CCDC63: variants seen among roughly 807,000 people sequenced by gnomAD.
CCDC63 encodes coiled-coil domain containing 63.
CCDC63 carries 54 observed loss-of-function variants against 63.6 expected under a neutral mutation model. The observed-to-expected ratio is 0.85, with a 90% CI of 0.68 to 1.07. The LOEUF is 1.07. CCDC63 is among the 50% of genes least tolerant of loss of function. The pLI is 0.00. For missense variants in CCDC63, 637 were observed against 689.6 expected (o/e 0.92, Z 0.86); for synonymous variants, 253 against 266.1 (o/e 0.95, Z 0.48).
intron 3 of CCDC63, among the ~76,000 whole-genome samples, chr12:110,856,867 G>A (rs1273572397): frequency 7.8e-6 from 1 of 127,524 alleles, no homozygotes; most frequent in South Asian, 2.5e-4. Context: ...TTTTTTTTGA[G>A]ACAGGGTCTC....
chr12:110,871,182 C>T (rs1178814539), intron 4 of CCDC63, among the ~76,000 whole-genome samples: 1 of 152,158 alleles, frequency 6.6e-6, no homozygotes, highest in Non-Finnish European at 1.5e-5. Context: ...TGCTCTGTTG[C>T]CCAGGCTGGA....
In CCDC63 at chr12:110,879,934, C is replaced by T. The variant is rs1029368550; in HGVS notation, c.518C>T (p.Thr173Ile). Residue 173 changes from threonine (T) to isoleucine (I), a missense_variant, in exon 6 of 12, where the codon ACC becomes ATC. Thr to Ile is a moderately conservative substitution (Grantham distance 89). Transcript: ENST00000308208. ...LVTVHFDKML[T>I]TNAKLRKEIE... ...ACTGTTCACTTTGACAAGATGCTGA[C>T]CACTAATGCCAAGCTCCGGAAGGAG... 7.4e-6 allele frequency: 12 copies of T among 1,614,030 alleles called. No individual in the cohort carries two copies. Among genetic ancestry groups the T allele is most frequent in the South Asian group, 3.3e-5 (3 of 91,082 alleles).
upstream of CCDC63, among the ~76,000 whole-genome samples, chr12:110,846,452 A>G (rs368446946): frequency 2.5e-4 from 38 of 152,286 alleles, 1 homozygote; most frequent in South Asian, 7.5e-3. Flanking sequence ...GGTGGGGGTC[A>G]GGTGGATGTT....
chr12:110,888,768 C>CT (rs888287362), intron 8 of CCDC63, among the ~76,000 whole-genome samples: 27 of 150,940 alleles, frequency 1.8e-4, no homozygotes, highest in Admixed American at 3.3e-4. Context: ...CAACTTCCAA[C>CT]TTTTTTTTTG....
intron 6 of CCDC63, 22 bp from the exon 7 acceptor site, chr12:110,881,093 G>C: frequency 6.3e-7 from 1 of 1,590,542 alleles, no homozygotes. Flanking sequence ...AGATGCTCAG[G>C]CTCTGTACTC....
At chr12:110,883,768 T>A (rs1483834614) in intron 7 of CCDC63, among the ~76,000 whole-genome samples, 1 of 152,090 alleles carries the variant, frequency 6.6e-6, no homozygotes, top group Non-Finnish European at 1.5e-5. Context: ...GCCTCCCATG[T>A]AGCTGGGATT....
intron 9 of CCDC63, among the ~76,000 whole-genome samples, chr12:110,896,824 A>G (rs1440728477): frequency 2.0e-5 from 3 of 152,228 alleles, no homozygotes; most frequent in African/African-American, 7.2e-5. Flanking sequence ...GCTGAGATCC[A>G]ACAGGCTGGC....
At chr12:110,859,348 C>G (rs2070821836) in intron 4 of CCDC63, among the ~76,000 whole-genome samples, 1 of 151,736 alleles carries the variant, frequency 6.6e-6, no homozygotes, top group Non-Finnish European at 1.5e-5. Context: ...GCTCTCTTGC[C>G]CAGGCTGGAA....
chr12:110,901,380 T>C (rs1182979613), intron 10 of CCDC63, among the ~76,000 whole-genome samples: 1 of 152,184 alleles, frequency 6.6e-6, no homozygotes, highest in Non-Finnish European at 1.5e-5. Flanking sequence ...CTTATTATTT[T>C]ATCTATTTAT....
Position 110,904,681 on chromosome 12 carries a change from C to G in CCDC63, c.1436C>G (p.Pro479Arg). Residue 479 changes from proline to arginine, a missense_variant, in exon 11 of 12, where the codon CCC becomes CGC. Physicochemically the swap from Pro to Arg is moderately radical, Grantham distance 103. Coordinates refer to ENST00000308208, the MANE Select transcript of CCDC63 (RefSeq NM_152591.3). ...GGGGCAGAGGCTGAGATCCCGCCAC[C>G]CTTCATCAACCCTTTCTGGGGTGGC... ...VEGAEAEIPP[P>R]FINPFWGGSA... 1 of 1,614,106 alleles carries G rather than the reference C, an allele frequency of 6.2e-7. No homozygotes were observed. The highest frequency in any genetic ancestry group is 1.1e-5 in the South Asian group (1 of 91,082).
chr12:110,883,281 C>CT (rs1460803132), intron 7 of CCDC63, among the ~76,000 whole-genome samples: 2 of 152,134 alleles, frequency 1.3e-5, no homozygotes, highest in African/African-American at 4.8e-5. Context: ...CGTGATCCAC[C>CT]TGCCTTGGCC....
At chr12:110,895,179 T>C (rs1465335395) in intron 9 of CCDC63, among the ~76,000 whole-genome samples, 2 of 152,176 alleles carry the variant, frequency 1.3e-5, no homozygotes, top group African/African-American at 4.8e-5. Context: ...AGTGGCACGA[T>C]CTCGGTTCAC....
In CCDC63 at chr12:110,907,249, T is replaced by A; in HGVS notation, c.1547-82T>A. ...ATTTCCATGCTCCACTCCCCAGTGC[T>A]ATGGAGGGACGCCAAACCAGGCTTA... On this transcript the variant is annotated intron_variant, in intron 11 of 11. Coordinates refer to ENST00000308208, the MANE Select transcript of CCDC63 (RefSeq NM_152591.3). The surrounding 1 kb of genome is among the most constrained non-coding windows in gnomAD (Gnocchi z 4.4). 1 of 1,424,892 alleles carries A rather than the reference T, an allele frequency of 7.0e-7. No homozygotes were observed. Among genetic ancestry groups the A allele is most frequent in the Non-Finnish European group, 9.6e-7 (1 of 1,039,920 alleles). 88.3% of individuals were successfully genotyped at this position (1,424,892 alleles called of 1,614,324 possible).
In CCDC63 at chr12:110,880,058, T is replaced by G. The variant is rs75520859; in HGVS notation, c.642T>G (p.Ile214Met). The G allele has an allele frequency of 2.2e-3, 3,543 of 1,614,136 alleles. 85 individuals are homozygous for G. The African/African-American group carries it at 0.042, about 19-fold the overall frequency. The change falls in exon 6 of 12, where the codon ATT (isoleucine) becomes ATG (methionine). Residue 214 changes from isoleucine (I) to methionine (M), a missense_variant. By Grantham distance (10) the Ile-to-Met change is conservative. Transcript: ENST00000308208. ...AGAAGAAAACCATGAACTTGGCCAT[T>G]GAGCAATCTTCTCAGGCCTATGAGC... ...LMEKKTMNLA[I>M]EQSSQAYEQR...
intron 3 of CCDC63, among the ~76,000 whole-genome samples, chr12:110,854,547 G>A (rs2070747791): frequency 6.6e-6 from 1 of 151,830 alleles, no homozygotes; most frequent in African/African-American, 2.4e-5. Flanking sequence ...CACCCACCTC[G>A]GCCTCCTAAA....
At chr12:110,861,792 G>A (rs1164648014) in intron 4 of CCDC63, among the ~76,000 whole-genome samples, 1 of 149,006 alleles carries the variant, frequency 6.7e-6, no homozygotes, top group Non-Finnish European at 1.5e-5. Context: ...GGCTGGTCTC[G>A]AGCTCCTGAC....
chr12:110,856,128 C>T (rs375867287), intron 3 of CCDC63, among the ~76,000 whole-genome samples: 40 of 139,290 alleles, frequency 2.9e-4, no homozygotes, highest in Middle Eastern at 4.6e-3. Context: ...CTTTGTTGCT[C>T]GAGCTGTAGT....
At chr12:110,844,610 G>C (rs2070620161), upstream of CCDC63, among the ~76,000 whole-genome samples, 1 of 152,236 alleles carries the variant, frequency 6.6e-6, no homozygotes, top group African/African-American at 2.4e-5. Flanking sequence ...GTTTCTGGGA[G>C]AATGCTATGC....
At chr12:110,886,346 A>G (rs962805285) in intron 8 of CCDC63, among the ~76,000 whole-genome samples, 5 of 152,184 alleles carry the variant, frequency 3.3e-5, no homozygotes, top group African/African-American at 1.2e-4. Context: ...AGATGGCGCC[A>G]CTGCACTCCA....
Sources: allele counts gnomAD v4.1 joint callset (sites outside exome capture counted in the v4.1 genomes callset), GRCh38; gene constraint gnomAD v4.1.1; non-coding constraint Gnocchi (gnomAD v3.1); transcripts MANE v1.5; gene names NCBI Gene and HGNC (gene_info 2026-07-23, HGNC 2026-07-21).